The following MAGI1 variants were observed in gnomAD, a reference collection of about 807,000 sequenced individuals.
The protein encoded by MAGI1 is membrane-associated guanylate kinase, WW and PDZ domain-containing protein 1.
In MAGI1, 58 loss-of-function variants were observed where a neutral mutation model predicts 139.9. That is an observed-to-expected ratio of 0.41 (90% CI 0.34 to 0.52). The LOEUF is 0.52. MAGI1 is among the 20% of genes least tolerant of loss of function. The probability of loss-of-function intolerance (pLI) is 0.12; values close to 1 mark genes in which losing one functional copy is unlikely to be tolerated. For synonymous variants in MAGI1, 812 were observed against 737.9 expected, an observed-to-expected ratio of 1.10 and a Z score of -1.63; for missense variants, 1,874 against 1,901.6, an observed-to-expected ratio of 0.99 and a Z score of 0.27.
At chr3:65,915,040 G>A (rs2061835777) in intron 1 of MAGI1, among the ~76,000 whole-genome samples, 1 of 152,170 alleles carries the variant, frequency 6.6e-6, no homozygotes, top group Non-Finnish European at 1.5e-5. Flanking sequence ...GCATTATAAT[G>A]CACATTTAGA....
chr3:65,593,242 C>T (rs981043175), intron 2 of MAGI1, among the ~76,000 whole-genome samples: 2 of 152,130 alleles, frequency 1.3e-5, no homozygotes, highest in Non-Finnish European at 2.9e-5. Flanking sequence ...CATGACTCCA[C>T]AATTAATGAG....
intron 2 of MAGI1, among the ~76,000 whole-genome samples, chr3:65,500,149 T>C (rs915470685): frequency 6.6e-6 from 1 of 152,176 alleles, no homozygotes; most frequent in East Asian, 1.9e-4. Context: ...GCCTTACCGA[T>C]GAATAGGAAT....
chr3:65,429,794 C>T lies in MAGI1; in HGVS notation c.1893G>A (p.Leu631=). The T allele has an allele frequency of 6.2e-7, 1 of 1,613,904 alleles. No individual in the cohort carries two copies. Among genetic ancestry groups the T allele is most frequent in the Non-Finnish European group, 8.5e-7 (1 of 1,179,956 alleles). The part of the protein sequence containing the change: ...SHGYPNDTVS[L]ASSIATQPEL... Reference sequence around the variant, plus strand: ...CTGGCTGAGTGGCTATGGAGGAAGCCAAAGAAACAGTGTCATTAGGATAAC... The same window carrying T: ...CTGGCTGAGTGGCTATGGAGGAAGCTAAAGAAACAGTGTCATTAGGATAAC... Residue 631 remains leucine (L), a synonymous_variant, in exon 12 of 23, where the codon TTG becomes TTA. Transcript: ENST00000402939.
Position 65,712,738 on chromosome 3 carries a change from C to CT in MAGI1, c.314-90651dup, listed in dbSNP as rs2031657363. 2.0e-5 allele frequency among the ~76,000 whole-genome samples: 3 copies of CT among 152,112 alleles called. No homozygotes were observed. The South Asian group carries it at 6.2e-4, about 32-fold the overall frequency. ...TGTTGGCCAGGCTGGTCTCAAACTC[C>CT]TGGCCTCAAGTAATCCACCCACCTC... On this transcript the variant is annotated intron_variant, in intron 1 of 22. Coordinates refer to ENST00000402939, the MANE Select transcript of MAGI1 (RefSeq NM_001033057.2).
intron 1 of MAGI1, among the ~76,000 whole-genome samples, chr3:65,671,581 G>C (rs147730744): frequency 6.6e-6 from 1 of 152,292 alleles, no homozygotes; most frequent in South Asian, 2.1e-4. Context: ...TAAAAATGCA[G>C]ATAGCAAGTC....
At chr3:65,516,701 CAT>C in intron 2 of MAGI1, among the ~76,000 whole-genome samples, 1 of 138,528 alleles carries the variant, frequency 7.2e-6, no homozygotes, top group East Asian at 2.4e-4. Flanking sequence ...TGGGAAGAAA[CAT>C]AGTACATCCC....
intron 18 of MAGI1, chr3:65,371,824 T>C: frequency 2.8e-6 from 1 of 356,790 alleles, no homozygotes; most frequent in Non-Finnish European, 5.6e-6. Context: ...AAGCAACTCC[T>C]CATCTGTTCA....
chr3:65,432,330 AAG>A (rs748473270), intron 10 of MAGI1, among the ~76,000 whole-genome samples: 2 of 152,246 alleles, frequency 1.3e-5, no homozygotes, highest in African/African-American at 4.8e-5. Flanking sequence ...CCAAAACAAA[AAG>A]AGAGAGAGAA....
chr3:65,364,636 T>C (rs1305665846), intron 20 of MAGI1, 29 bp downstream of exon 20: 4 of 1,599,370 alleles, frequency 2.5e-6, no homozygotes, highest in Non-Finnish European at 3.4e-6. Flanking sequence ...ACGTGCAAAG[T>C]ATAGAGAAAA....
At chr3:65,470,653 A>T (rs1950505206) in intron 4 of MAGI1, among the ~76,000 whole-genome samples, 169 bp from the exon 5 acceptor site, 1 of 152,210 alleles carries the variant, frequency 6.6e-6, no homozygotes, top group African/African-American at 2.4e-5. Context: ...GATTTCATTT[A>T]GATGTCTGTG....
At chr3:65,750,496 T>C (rs890267379) in intron 1 of MAGI1, among the ~76,000 whole-genome samples, 2 of 152,218 alleles carry the variant, frequency 1.3e-5, no homozygotes, top group Admixed American at 6.5e-5. Flanking sequence ...TTACTCTAAA[T>C]AGTGATTTGA....
chr3:65,363,379 T>A, intron 21 of MAGI1, 86 bp downstream of exon 21: 1 of 1,429,698 alleles, frequency 7.0e-7, no homozygotes, highest in Non-Finnish European at 9.4e-7. Context: ...GTAGTTCTTA[T>A]GAACATGAAC....
chr3:65,369,237 C>T (rs1045160462), intron 18 of MAGI1, among the ~76,000 whole-genome samples: 1 of 152,076 alleles, frequency 6.6e-6, no homozygotes, highest in African/African-American at 2.4e-5. Flanking sequence ...GACCTTCTAA[C>T]ATACAATAAT....
chr3:65,542,475 G>A (rs2079282584), intron 2 of MAGI1, among the ~76,000 whole-genome samples: 3 of 152,164 alleles, frequency 2.0e-5, no homozygotes, highest in Admixed American at 2.0e-4. Flanking sequence ...GAACAAAGCT[G>A]GAGGCATGAC....
chr3:65,667,006 G>A (rs2086575103), intron 1 of MAGI1, among the ~76,000 whole-genome samples: 1 of 152,200 alleles, frequency 6.6e-6, no homozygotes, highest in South Asian at 2.1e-4. Flanking sequence ...AGATGAGCAT[G>A]AGAAAAACAA....
At chr3:65,644,479 T>C (rs189449826) in intron 1 of MAGI1, among the ~76,000 whole-genome samples, 4 of 150,714 alleles carry the variant, frequency 2.7e-5, no homozygotes, top group Admixed American at 2.6e-4. Flanking sequence ...GCAGATTTCT[T>C]GAGCTCAGGA....
chr3:65,555,456 G>A (rs1283507930), intron 2 of MAGI1, among the ~76,000 whole-genome samples: 1 of 152,176 alleles, frequency 6.6e-6, no homozygotes, highest in Non-Finnish European at 1.5e-5. Flanking sequence ...CATGGGAGTG[G>A]ATGGGGAGGT....
intron 1 of MAGI1, among the ~76,000 whole-genome samples, chr3:65,777,803 G>A (rs1259592763): frequency 1.3e-5 from 2 of 152,166 alleles, no homozygotes; most frequent in Admixed American, 6.6e-5. Context: ...TGAACAATTT[G>A]TAAATGGAAT....
intron 4 of MAGI1, among the ~76,000 whole-genome samples, chr3:65,472,384 G>C (rs1471705819): frequency 2.6e-5 from 4 of 152,076 alleles, no homozygotes; most frequent in African/African-American, 9.7e-5. Flanking sequence ...CAGGTTTGGG[G>C]TAAGGTTCCA....
Sources: gnomAD v4.1 joint callset for allele counts (sites outside exome capture counted in the v4.1 genomes callset) on GRCh38, gnomAD v4.1.1 for gene constraint, MANE v1.5 for transcripts, NCBI Gene and HGNC (gene_info 2026-07-23, HGNC 2026-07-21) for gene names.